Variants in TNNI3 observed in about 807,000 individuals in gnomAD.
TNNI3 encodes the protein troponin I, cardiac muscle.
TNNI3 carries 23 observed loss-of-function variants against 31.5 expected under a neutral mutation model. The ratio of observed to expected loss-of-function variants is 0.73; its 90% CI spans 0.52 to 1.03. TNNI3 has a LOEUF of 1.03. Among genes scored for constraint, TNNI3 ranks in the 50% least tolerant of loss-of-function variants. The pLI is 0.00. For synonymous variants in TNNI3, 120 were observed against 111.7 expected, an observed-to-expected ratio of 1.07 and a Z score of -0.47; for missense variants, 236 against 282.9, an observed-to-expected ratio of 0.83 and a Z score of 1.19.
In TNNI3 at chr19:55,157,263, G is replaced by A. The variant is rs778611330; in HGVS notation, c.24+33C>T. The A allele has an allele frequency of 1.9e-6, 3 of 1,611,140 alleles. No individual in the cohort carries two copies. Among genetic ancestry groups the A allele is most frequent in the African/African-American group, 2.7e-5 (2 of 74,936 alleles). ...CTGCAGCGCCCACCCTGGCCCTGGGGGTCCCAGCCACGCCTTAGCCCGCTG... is the reference window on the plus strand; with the variant it reads ...CTGCAGCGCCCACCCTGGCCCTGGGAGTCCCAGCCACGCCTTAGCCCGCTG... On this transcript the variant is annotated intron_variant, in intron 2 of 7. Coordinates refer to ENST00000344887, the MANE Select transcript of TNNI3 (RefSeq NM_000363.5). This position sits in a 1 kb window ranked among gnomAD's most constrained non-coding sequence, Gnocchi z 6.3.
chr19:55,153,114 T>C (rs568208098), intron 7 of TNNI3, among the ~76,000 whole-genome samples: 76 of 152,254 alleles, frequency 5.0e-4, no homozygotes, highest in African/African-American at 1.8e-3. Flanking sequence ...GTATTTTTTA[T>C]AGAGACATGG....
At position 55,156,729 on chromosome 19, in the gene TNNI3, A is replaced by C; in HGVS notation, c.109-85T>G. On this transcript the variant is annotated intron_variant, in intron 3 of 7. Coordinates refer to ENST00000344887, the MANE Select transcript of TNNI3 (RefSeq NM_000363.5). The surrounding 1 kb of genome is among the most constrained non-coding windows in gnomAD (Gnocchi z 4.6). ...AGGGGACCTCAAGACACCCCCAGCA[A>C]ACCCAGCCGGTCCAGATTTGGGCCC... The C allele has an allele frequency of 6.8e-7, 1 of 1,464,840 alleles. No homozygotes were observed. The allele number at this position is 1,464,840 out of a possible 1,614,324, so 90.7% of individuals were successfully genotyped here. A position where few individuals can be genotyped will look rare whatever the true frequency, so the allele number is the denominator to read the frequency against.
In TNNI3 at chr19:55,156,991, T is replaced by C. The variant is rs143098258; in HGVS notation, c.108+59A>G. The C allele has an allele frequency of 2.1e-3, 3,208 of 1,518,660 alleles. 61 individuals carry two copies. In the African/African-American group the frequency reaches 0.04, roughly 19 times the overall value. 94.1% of individuals were successfully genotyped at this position (1,518,660 alleles called of 1,614,324 possible). A position where few individuals can be genotyped will look rare whatever the true frequency, so the allele number is the denominator to read the frequency against. On this transcript the variant is annotated intron_variant, in intron 3 of 7. Transcript: ENST00000344887. This position sits in a 1 kb window ranked among gnomAD's most constrained non-coding sequence, Gnocchi z 4.6. ...TCGCAGCCCTGGCTCCTCCCCCCAC[T>C]CCCAGGGTCTTGGATCCCTCCGGCG...
chr19:55,156,042 C>A lies in TNNI3; in HGVS notation c.282+159G>T, dbSNP rs1568859015. On this transcript the variant is annotated intron_variant, in intron 5 of 7. Coordinates refer to ENST00000344887, the MANE Select transcript of TNNI3 (RefSeq NM_000363.5). The surrounding 1 kb of genome is among the most constrained non-coding windows in gnomAD (Gnocchi z 4.6). ...TAGGTTGGAGCCAAGACTCCACAGA[C>A]CTGCACACAAAGGGTGTTAGGGGCC... Among the ~76,000 whole-genome samples, 1 of 152,076 alleles carries A rather than the reference C, an allele frequency of 6.6e-6. No homozygotes were observed. The highest frequency in any genetic ancestry group is 1.5e-5 in the Non-Finnish European group (1 of 67,996).
chr19:55,156,298 T>C lies in TNNI3; in HGVS notation c.185A>G (p.Glu62Gly), dbSNP rs2085729352. The C allele has an allele frequency of 6.2e-7, 1 of 1,610,690 alleles. No homozygotes were observed. Among genetic ancestry groups the C allele is most frequent in the Non-Finnish European group, 8.5e-7 (1 of 1,179,190 alleles). ...TCCGCGCCGCTCCTCCGCCTCTCGCTCCAGCTCTTGCTTTGCAATCTGCAG... is the reference window on the plus strand; with the variant it reads ...TCCGCGCCGCTCCTCCGCCTCTCGCCCCAGCTCTTGCTTTGCAATCTGCAG... ...LLLQIAKQELEREAEERRGEK... is the reference protein window; with the variant it reads ...LLLQIAKQELGREAEERRGEK... Residue 62 changes from glutamate to glycine, a missense_variant, in exon 5 of 8, where the codon GAG becomes GGG. Glu to Gly is a moderately conservative substitution (Grantham distance 98). This residue lies in a region of TNNI3 where 172 missense variants were observed against 171.8 expected (regional missense o/e 1.00). Coordinates refer to ENST00000344887, the MANE Select transcript of TNNI3 (RefSeq NM_000363.5). The surrounding 1 kb of genome is among the most constrained non-coding windows in gnomAD (Gnocchi z 4.6).
chr19:55,156,671 G>C lies in TNNI3; in HGVS notation c.109-27C>G. The C allele has an allele frequency of 6.4e-7, 1 of 1,558,882 alleles. No homozygotes were observed. Among genetic ancestry groups the C allele is most frequent in the South Asian group, 1.2e-5 (1 of 84,894 alleles). On this transcript the variant is annotated intron_variant, in intron 3 of 7. Coordinates refer to ENST00000344887, the MANE Select transcript of TNNI3 (RefSeq NM_000363.5). The surrounding 1 kb of genome is among the most constrained non-coding windows in gnomAD (Gnocchi z 4.6). ...TGCCAGGGTGAGATGGAGCAAGGAA[G>C]GATCATGGAGGGGGATTCGGAGACG...
chr19:55,156,969 C>G lies in TNNI3; in HGVS notation c.108+81G>C. 6.9e-7 allele frequency: 1 copy of G among 1,455,048 alleles called. No homozygotes were observed. Among genetic ancestry groups the G allele is most frequent in the Non-Finnish European group, 9.3e-7 (1 of 1,071,936 alleles). 90.1% of individuals were successfully genotyped at this position (1,455,048 alleles called of 1,614,324 possible). A position where few individuals can be genotyped will look rare whatever the true frequency, so the allele number is the denominator to read the frequency against. On this transcript the variant is annotated intron_variant, in intron 3 of 7. Coordinates refer to ENST00000344887, the MANE Select transcript of TNNI3 (RefSeq NM_000363.5). This position sits in a 1 kb window ranked among gnomAD's most constrained non-coding sequence, Gnocchi z 4.6. ...CTCCGCGTAGTCCCCGCCCCCTTCG[C>G]AGCCCTGGCTCCTCCCCCCACTCCC...
At position 55,157,398 on chromosome 19, in the gene TNNI3, C is replaced by T; in HGVS notation, c.12-90G>A. The T allele has an allele frequency of 2.5e-6, 4 of 1,601,902 alleles. No individual in the cohort carries two copies. The highest frequency in any genetic ancestry group is 3.4e-6 in the Non-Finnish European group (4 of 1,171,028). On this transcript the variant is annotated intron_variant, in intron 1 of 7. Transcript: ENST00000344887. The surrounding 1 kb of genome is among the most constrained non-coding windows in gnomAD (Gnocchi z 6.3). ...CTGGAGTCCCCTCTGAACAAGAGGTCGGGGGACCGCGCTTCCCCTTCCTTG... is the reference window on the plus strand; with the variant it reads ...CTGGAGTCCCCTCTGAACAAGAGGTTGGGGGACCGCGCTTCCCCTTCCTTG...
Position 55,152,560 on chromosome 19 carries a change from A to G in TNNI3, c.550-643T>C, listed in dbSNP as rs550978768. Among the ~76,000 whole-genome samples the G allele has an allele frequency of 1.7e-4, 26 of 152,372 alleles. No individual in the cohort carries two copies. Among genetic ancestry groups the G allele is most frequent in the African/African-American group, 3.4e-4 (14 of 41,600 alleles). On this transcript the variant is annotated intron_variant, in intron 7 of 7. Transcript: ENST00000344887. The surrounding 1 kb of genome is among the most constrained non-coding windows in gnomAD (Gnocchi z 4.0). ...GGAAAAGAAGGGTGATTACAGTGCT[A>G]TAAGATATTTTGAGAAAGAGACCAC...
At position 55,154,943 on chromosome 19, in the gene TNNI3, AGAAGGG is replaced by A. The variant is rs1181683730; in HGVS notation, c.283-119_283-114del. 18 of 839,788 alleles carry A rather than the reference AGAAGGG, an allele frequency of 2.1e-5. No homozygotes were observed. The African/African-American group carries it at 3.0e-4, about 14-fold the overall frequency. 52.0% of individuals were successfully genotyped at this position (839,788 alleles called of 1,614,324 possible). A position where few individuals can be genotyped will look rare whatever the true frequency, so the allele number is the denominator to read the frequency against. On this transcript the variant is annotated intron_variant, in intron 5 of 7. Transcript: ENST00000344887. ...CCTGGACTCCTGGGTCTGAGGGAGG[AGAAGGG>A]GCTGGGGGCCTGGACTCCTGGGTCT...
At position 55,156,987 on chromosome 19, in the gene TNNI3, C is replaced by T; in HGVS notation, c.108+63G>A. On this transcript the variant is annotated intron_variant, in intron 3 of 7. Coordinates refer to ENST00000344887, the MANE Select transcript of TNNI3 (RefSeq NM_000363.5). The surrounding 1 kb of genome is among the most constrained non-coding windows in gnomAD (Gnocchi z 4.6). ...CCCTTCGCAGCCCTGGCTCCTCCCC[C>T]CACTCCCAGGGTCTTGGATCCCTCC... 4 of 1,519,398 alleles carry T rather than the reference C, an allele frequency of 2.6e-6. No homozygotes were observed. Among genetic ancestry groups the T allele is most frequent in the Non-Finnish European group, 2.7e-6 (3 of 1,127,666 alleles). The allele number at this position is 1,519,398 out of a possible 1,614,324, so 94.1% of individuals were successfully genotyped here. A position where few individuals can be genotyped will look rare whatever the true frequency, so the allele number is the denominator to read the frequency against.
rs2085730540 is a variant in TNNI3, at chr19:55,156,443, C to T, written c.151-111G>A. The T allele has an allele frequency of 2.0e-6, 3 of 1,511,816 alleles. No individual in the cohort carries two copies. The highest frequency in any genetic ancestry group is 2.8e-5 in the African/African-American group (2 of 72,356). The allele number at this position is 1,511,816 out of a possible 1,614,324, so 93.7% of individuals were successfully genotyped here. A position where few individuals can be genotyped will look rare whatever the true frequency, so the allele number is the denominator to read the frequency against. On this transcript the variant is annotated intron_variant, in intron 4 of 7. Transcript: ENST00000344887. This position sits in a 1 kb window ranked among gnomAD's most constrained non-coding sequence, Gnocchi z 4.6. Reference sequence around the variant, plus strand: ...CCCTCCAGTTTGGTCTCCACTGTTCCAAGGCCCCGTCCCACCCCGAGCAGT... The same window carrying T: ...CCCTCCAGTTTGGTCTCCACTGTTCTAAGGCCCCGTCCCACCCCGAGCAGT...
At chr19:55,153,893 C>G in intron 7 of TNNI3, 137 bp downstream of exon 7, 1 of 937,860 alleles carries the variant, frequency 1.1e-6, no homozygotes, top group South Asian at 1.3e-5. Flanking sequence ...TCCTGTCTTC[C>G]TCTTGCATTT....
At position 55,157,245 on chromosome 19, in the gene TNNI3, G is replaced by C; in HGVS notation, c.24+51C>G. On this transcript the variant is annotated intron_variant, in intron 2 of 7. Coordinates refer to ENST00000344887, the MANE Select transcript of TNNI3 (RefSeq NM_000363.5). The surrounding 1 kb of genome is among the most constrained non-coding windows in gnomAD (Gnocchi z 6.3). Reference sequence around the variant, plus strand: ...CCCGCCCCAGACCCCTCACTGCAGCGCCCACCCTGGCCCTGGGGGTCCCAG... The same window carrying C: ...CCCGCCCCAGACCCCTCACTGCAGCCCCCACCCTGGCCCTGGGGGTCCCAG... The C allele has an allele frequency of 1.0e-5, 16 of 1,607,714 alleles. No homozygotes were observed. Among genetic ancestry groups the C allele is most frequent in the Non-Finnish European group, 1.3e-5 (15 of 1,177,796 alleles).
In TNNI3 at chr19:55,156,561, C is replaced by T. The variant is rs2147285234; in HGVS notation, c.150+42G>A. 6.4e-7 allele frequency: 1 copy of T among 1,553,638 alleles called. No individual in the cohort carries two copies. The highest frequency in any genetic ancestry group is 1.2e-5 in the South Asian group (1 of 84,390). ...CCCACCCATTCTCAAGCTCCGCCCC[C>T]TGAGCACCTGCCTGCTCTTTCCCAG... is the stretch of plus-strand genomic sequence containing the variant. On this transcript the variant is annotated intron_variant, in intron 4 of 7. Coordinates refer to ENST00000344887, the MANE Select transcript of TNNI3 (RefSeq NM_000363.5). The surrounding 1 kb of genome is among the most constrained non-coding windows in gnomAD (Gnocchi z 4.6).
At position 55,156,773 on chromosome 19, in the gene TNNI3, G is replaced by C. The variant is rs1405068116; in HGVS notation, c.109-129C>G. ...TGGGCCCACGTCCAACTTGAGCCCT[G>C]AGTCTACGGGAGGCCACGCCCCTCA... On this transcript the variant is annotated intron_variant, in intron 3 of 7. Transcript: ENST00000344887. This position sits in a 1 kb window ranked among gnomAD's most constrained non-coding sequence, Gnocchi z 4.6. 1.9e-6 allele frequency: 2 copies of C among 1,057,316 alleles called. No individual in the cohort carries two copies. Among genetic ancestry groups the C allele is most frequent in the Non-Finnish European group, 2.9e-6 (2 of 699,658 alleles). 65.5% of individuals were successfully genotyped at this position (1,057,316 alleles called of 1,614,324 possible).
chr19:55,153,919 T>C, intron 7 of TNNI3, 111 bp downstream of exon 7: 1 of 1,235,388 alleles, frequency 8.1e-7, no homozygotes, highest in Non-Finnish European at 1.2e-6. Context: ...GACCCCTTAC[T>C]AGCTGCTTCT....
At chr19:55,154,525 C>A in intron 6 of TNNI3, 1 of 639,008 alleles carries the variant, frequency 1.6e-6, no homozygotes, top group South Asian at 1.8e-5. Flanking sequence ...TTTTCTGTTT[C>A]CCAACCCATG....
Position 55,156,460 on chromosome 19 carries a change from C to T in TNNI3, c.151-128G>A. On this transcript the variant is annotated intron_variant, in intron 4 of 7. Transcript: ENST00000344887. This position sits in a 1 kb window ranked among gnomAD's most constrained non-coding sequence, Gnocchi z 4.6. ...CACTGTTCCAAGGCCCCGTCCCACC[C>T]CGAGCAGTACTCCCCGCTAAAGCCA... The T allele has an allele frequency of 4.7e-6, 7 of 1,500,004 alleles. No individual in the cohort carries two copies. The highest frequency in any genetic ancestry group is 3.6e-5 in the South Asian group (3 of 82,376). 92.9% of individuals were successfully genotyped at this position (1,500,004 alleles called of 1,614,324 possible).
Sources: gnomAD v4.1 joint callset for allele counts (sites outside exome capture counted in the v4.1 genomes callset) on GRCh38, gnomAD v4.1.1 for gene constraint, gnomAD v4.1.1 regional missense constraint, Gnocchi (gnomAD v3.1) non-coding constraint, MANE v1.5 for transcripts, NCBI Gene and HGNC (gene_info 2026-07-23, HGNC 2026-07-21) for gene names.